TRPM6: variants seen among roughly 807,000 people sequenced by gnomAD.
The protein encoded by TRPM6 is transient receptor potential cation channel subfamily M member 6.
Under a neutral mutation model 247.6 loss-of-function variants are expected in TRPM6, and 111 were observed. The ratio of observed to expected loss-of-function variants is 0.45; its 90% CI spans 0.38 to 0.52. The LOEUF is 0.52. TRPM6 is among the 20% of genes least tolerant of loss of function. TRPM6 has a pLI of 0.00. For missense variants in TRPM6, 2,126 were observed against 2,421.5 expected (o/e 0.88, Z 2.56); for synonymous variants, 892 against 853.8 (o/e 1.04, Z -0.78).
chr9:74,776,462 A>G (rs1224465975), intron 23 of TRPM6, among the ~76,000 whole-genome samples: 1 of 152,180 alleles, frequency 6.6e-6, no homozygotes, highest in Non-Finnish European at 1.5e-5. Context: ...GTTCCTCTGT[A>G]TCATCTACCT....
chr9:74,803,828 T>C lies in TRPM6; in HGVS notation c.1697A>G (p.Gln566Arg). ...NESAESTLHS[Q>R]FIRTAQPYKF... ...GTATGGCTGTGCAGTTCTAATGAACTGGGAGTGCAGCGTACTTTCTGCAGA... is the reference window on the plus strand; with the variant it reads ...GTATGGCTGTGCAGTTCTAATGAACCGGGAGTGCAGCGTACTTTCTGCAGA... The change falls in exon 15 of 39, where the codon CAG becomes CGG. Residue 566 changes from glutamine to arginine, a missense_variant. Physicochemically the swap from Gln to Arg is conservative, Grantham distance 43. This residue lies in a region of TRPM6 where 1,082 missense variants were observed against 1,307.9 expected (regional missense o/e 0.83). Transcript: ENST00000360774. 6 of 1,613,644 alleles carry C rather than the reference T, an allele frequency of 3.7e-6. No individual in the cohort carries two copies. The highest frequency in any genetic ancestry group is 5.1e-6 in the Non-Finnish European group (6 of 1,179,524).
At position 74,833,862 on chromosome 9, in the gene TRPM6, G is replaced by C. The variant is rs970738464; in HGVS notation, c.669+136C>G. The C allele has an allele frequency of 6.0e-6, 7 of 1,167,238 alleles. No individual in the cohort carries two copies. In the African/African-American group the frequency reaches 9.1e-5, roughly 15 times the overall value. 72.3% of individuals were successfully genotyped at this position (1,167,238 alleles called of 1,614,324 possible). ...CATCTTCTAAGACAGGGTGAGGGAAGCAGCAGAAAGTCAGGAGTTGGTAGT... is the reference window on the plus strand; with the variant it reads ...CATCTTCTAAGACAGGGTGAGGGAACCAGCAGAAAGTCAGGAGTTGGTAGT... On this transcript the variant is annotated intron_variant, in intron 6 of 38. Coordinates refer to ENST00000360774, the MANE Select transcript of TRPM6 (RefSeq NM_017662.5).
At chr9:74,852,031 G>A (rs1000370075) in intron 3 of TRPM6, among the ~76,000 whole-genome samples, 1 of 151,870 alleles carries the variant, frequency 6.6e-6, no homozygotes, top group Non-Finnish European at 1.5e-5. Context: ...AGCTACTCAG[G>A]AGGCTGAAGA....
rs925854097 is a variant in TRPM6 at position 74,887,830 on chromosome 9, G to A, written c.27C>T (p.Arg9=). 6.2e-7 allele frequency: 1 copy of A among 1,614,152 alleles called. No homozygotes were observed. Among genetic ancestry groups the A allele is most frequent in the Non-Finnish European group, 8.5e-7 (1 of 1,180,044 alleles). Residue 9 remains arginine, a synonymous_variant, in exon 1 of 39, where the codon CGC becomes CGT. Coordinates refer to ENST00000360774, the MANE Select transcript of TRPM6 (RefSeq NM_017662.5). The part of the protein sequence containing the change: MKEQPVLE[R]LQSQKSWIKG... ...TCGAGCAGCCTGAGCTTACCTGCAA[G>A]CGCTCCAAGACAGGTTGTTCTTTCA... is the stretch of plus-strand genomic sequence containing the variant.
rs1828846712 is a variant in TRPM6 at position 74,814,261 on chromosome 9, C to T, written c.1309-1828G>A. On this transcript the variant is annotated intron_variant, in intron 11 of 38. Coordinates refer to ENST00000360774, the MANE Select transcript of TRPM6 (RefSeq NM_017662.5). ...GAGCTGAAAATGAAAACAATTGAAT[C>T]CATGGAGATGGAGAGCAGAAGGATG... Among the ~76,000 whole-genome samples, 5 of 151,860 alleles carry T rather than the reference C, an allele frequency of 3.3e-5. No homozygotes were observed. In the South Asian group the frequency reaches 1.0e-3, roughly 32 times the overall value.
rs371988131 is a variant in TRPM6 at position 74,842,337 on chromosome 9, G to A, written c.159C>T (p.Tyr53=). The change falls in exon 4 of 39, where the codon TAC becomes TAT. Residue 53 remains tyrosine (Y), a synonymous_variant. Coordinates refer to ENST00000360774, the MANE Select transcript of TRPM6 (RefSeq NM_017662.5). ...CQVCQNLIRC[Y]CGRLIGDHAG... Reference sequence around the variant, plus strand: ...CATGGTCTCCAATCAGTCGGCCACAGTAACACCTTAAATTCAAGACCAAAA... The same window carrying A: ...CATGGTCTCCAATCAGTCGGCCACAATAACACCTTAAATTCAAGACCAAAA... The A allele has an allele frequency of 2.5e-6, 4 of 1,613,932 alleles. No homozygotes were observed. Among genetic ancestry groups the A allele is most frequent in the Non-Finnish European group, 3.4e-6 (4 of 1,179,972 alleles).
In TRPM6 at chr9:74,842,251, G is replaced by A. The variant is rs1287383944; in HGVS notation, c.245C>T (p.Ser82Phe). 6.2e-7 allele frequency: 1 copy of A among 1,613,986 alleles called. No homozygotes were observed. The highest frequency in any genetic ancestry group is 8.5e-7 in the Non-Finnish European group (1 of 1,180,032). ...GCTTTTCGTTGTGTGCTTTTCAACAGACCATTGTTCACTTTCTTTACCCTT... is the reference window on the plus strand; with the variant it reads ...GCTTTTCGTTGTGTGCTTTTCAACAAACCATTGTTCACTTTCTTTACCCTT... The part of the protein sequence containing the change: ...AAKGKESEQW[S>F]VEKHTTKSPT... Residue 82 changes from serine (S) to phenylalanine (F), a missense_variant, in exon 4 of 39, where the codon TCT (serine) becomes TTT (phenylalanine). Physicochemically the swap from Ser to Phe is radical, Grantham distance 155. This residue lies in a region of TRPM6 where 1,082 missense variants were observed against 1,307.9 expected (regional missense o/e 0.83). Coordinates refer to ENST00000360774, the MANE Select transcript of TRPM6 (RefSeq NM_017662.5).
At chr9:74,766,412 T>C (rs1826825903) in intron 25 of TRPM6, among the ~76,000 whole-genome samples, 1 of 152,218 alleles carries the variant, frequency 6.6e-6, no homozygotes, top group Non-Finnish European at 1.5e-5. Flanking sequence ...AAGATGAGAA[T>C]GGTAATTGTT....
At chr9:74,842,781 C>T (rs1330949973) in intron 3 of TRPM6, among the ~76,000 whole-genome samples, 2 of 152,144 alleles carry the variant, frequency 1.3e-5, no homozygotes, top group East Asian at 1.9e-4. Flanking sequence ...TGCTAAAAAA[C>T]GCTACCAACC....
In TRPM6 at chr9:74,761,819, A is replaced by G; in HGVS notation, c.4673-11T>C. 1.3e-6 allele frequency: 2 copies of G among 1,595,986 alleles called. No homozygotes were observed. Among genetic ancestry groups the G allele is most frequent in the East Asian group, 2.2e-5 (1 of 44,770 alleles). Reference sequence around the variant, plus strand: ...AAGAGCCTGAAAGATCTGCAAGGAAATGGTCTACATGAGAAAGTTGACAAC... The same window carrying G: ...AAGAGCCTGAAAGATCTGCAAGGAAGTGGTCTACATGAGAAAGTTGACAAC... On this transcript the variant is annotated splice_polypyrimidine_tract_variant and intron_variant, in intron 26 of 38. Coordinates refer to ENST00000360774, the MANE Select transcript of TRPM6 (RefSeq NM_017662.5).
intron 12 of TRPM6, among the ~76,000 whole-genome samples, chr9:74,811,535 G>A (rs1381044346): frequency 6.6e-6 from 1 of 152,184 alleles, no homozygotes; most frequent in Non-Finnish European, 1.5e-5. Context: ...GGTTTACATG[G>A]GAAAGGTACA....
chr9:74,871,867 T>C (rs1467845867), intron 1 of TRPM6, among the ~76,000 whole-genome samples: 3 of 151,930 alleles, frequency 2.0e-5, no homozygotes, highest in Non-Finnish European at 4.4e-5. Context: ...TTTTTTTTTT[T>C]TTTGAGACAG....
intron 31 of TRPM6, among the ~76,000 whole-genome samples, chr9:74,746,600 C>G (rs1337644677): frequency 2.6e-5 from 4 of 152,218 alleles, no homozygotes. Context: ...GGTTTGCAGT[C>G]TACCTTTGGG....
intron 36 of TRPM6, 74 bp downstream of exon 36, chr9:74,738,333 C>G: frequency 6.7e-7 from 1 of 1,491,690 alleles, no homozygotes; most frequent in Non-Finnish European, 9.3e-7. Flanking sequence ...CATATATTAC[C>G]CATCCTGGTT....
chr9:74,857,740 C>G (rs1299647637), intron 2 of TRPM6: 1 of 152,150 alleles, frequency 6.6e-6, no homozygotes, highest in Non-Finnish European at 1.5e-5. Flanking sequence ...ATGGCCCCTG[C>G]TCAAGGATGA....
chr9:74,738,929 A>G (rs1259155768), intron 35 of TRPM6, among the ~76,000 whole-genome samples: 2 of 152,222 alleles, frequency 1.3e-5, no homozygotes. Context: ...CCAAATTATG[A>G]TCTGTGTCTC....
intron 7 of TRPM6, among the ~76,000 whole-genome samples, chr9:74,824,212 A>T (rs12339233): frequency 6.6e-6 from 1 of 150,754 alleles, no homozygotes; most frequent in Non-Finnish European, 1.5e-5. Flanking sequence ...GTGCAGTGGC[A>T]CCATCTTAGC....
chr9:74,778,353 T>A (rs1827299338), intron 23 of TRPM6, among the ~76,000 whole-genome samples: 1 of 152,180 alleles, frequency 6.6e-6, no homozygotes. Context: ...TATACTCAGG[T>A]ATATGGCTTT....
At chr9:74,853,290 C>T (rs968862025) in intron 3 of TRPM6, among the ~76,000 whole-genome samples, 1 of 151,562 alleles carries the variant, frequency 6.6e-6, no homozygotes, top group African/African-American at 2.4e-5. Context: ...AGCGTCTCCG[C>T]CCGGCAGCCG....
Sources: gnomAD v4.1 joint callset for allele counts (sites outside exome capture counted in the v4.1 genomes callset) on GRCh38, gnomAD v4.1.1 for gene constraint, gnomAD v4.1.1 regional missense constraint, MANE v1.5 for transcripts, NCBI Gene and HGNC (gene_info 2026-07-23, HGNC 2026-07-21) for gene names.